Variants in FBXO40 observed in about 807,000 individuals in gnomAD.
FBXO40 encodes F-box only protein 40.
FBXO40 carries 50 observed loss-of-function variants against 49.9 expected under a neutral mutation model. The observed-to-expected ratio is 1.00, with a 90% CI of 0.80 to 1.27. The LOEUF is 1.27. FBXO40 is among the 50% of genes most tolerant of loss of function. The pLI is 0.00. For missense variants in FBXO40, 895 were observed against 870.1 expected (o/e 1.03, Z -0.36); for synonymous variants, 340 against 320.2 (o/e 1.06, Z -0.66).
At position 121,602,857 on chromosome 3, in the gene FBXO40, A is replaced by G. The variant is rs146469029; in HGVS notation, c.-31+9355A>G. Among the ~76,000 whole-genome samples, 6 of 152,284 alleles carry G rather than the reference A, an allele frequency of 3.9e-5. No homozygotes were observed. The East Asian group carries it at 1.2e-3, about 29-fold the overall frequency. Reference sequence around the variant, plus strand: ...TTACACTGCATGTTAAGAGATCAGTAGCTGGGCTCTTGGACCCAAAGATGT... The same window carrying G: ...TTACACTGCATGTTAAGAGATCAGTGGCTGGGCTCTTGGACCCAAAGATGT... On this transcript the variant is annotated intron_variant, in intron 1 of 3. Coordinates refer to ENST00000338040, the MANE Select transcript of FBXO40 (RefSeq NM_016298.4).
intron 3 of FBXO40, among the ~76,000 whole-genome samples, chr3:121,625,572 C>T (rs1226765527): frequency 6.6e-6 from 1 of 152,192 alleles, no homozygotes; most frequent in Non-Finnish European, 1.5e-5. Context: ...TGAAGACTAA[C>T]ACACTGCCTT....
Position 121,626,678 on chromosome 3 carries a change from T to A in FBXO40, c.1915-17T>A, listed in dbSNP as rs764458897. 7.4e-6 allele frequency: 12 copies of A among 1,613,000 alleles called. No individual in the cohort carries two copies. The highest frequency in any genetic ancestry group is 1.0e-5 in the Non-Finnish European group (12 of 1,179,142). Reference sequence around the variant, plus strand: ...ACACCCCTATATTCACCTTTGAACTTCTATCTTTCTCAACAGATCTGGCAG... The same window carrying A: ...ACACCCCTATATTCACCTTTGAACTACTATCTTTCTCAACAGATCTGGCAG... On this transcript the variant is annotated splice_polypyrimidine_tract_variant and intron_variant, in intron 3 of 3. Coordinates refer to ENST00000338040, the MANE Select transcript of FBXO40 (RefSeq NM_016298.4).
intron 1 of FBXO40, among the ~76,000 whole-genome samples, chr3:121,604,926 TTGGC>T (rs1392294578): frequency 2.4e-4 from 35 of 148,158 alleles, no homozygotes; most frequent in South Asian, 1.1e-3. Context: ...GTGGAGAAGG[TTGGC>T]TGGCTTTATT....
chr3:121,620,684 A>G (rs1050403014), intron 2 of FBXO40, 106 bp downstream of exon 2: 4 of 1,409,526 alleles, frequency 2.8e-6, no homozygotes, highest in Admixed American at 1.9e-5. Context: ...TGGTTTGATG[A>G]TATTTATCAA....
At position 121,599,720 on chromosome 3, in the gene FBXO40, ATATAT is replaced by A. The variant is rs1259235819; in HGVS notation, c.-31+6220_-31+6224del. Among the ~76,000 whole-genome samples, 206 of 81,816 alleles carry A rather than the reference ATATAT, an allele frequency of 2.5e-3. 1 individual carries two copies. The highest frequency in any genetic ancestry group is 7.4e-3 in the African/African-American group (195 of 26,244). The allele number at this position is 81,816 out of a possible 152,430, so 53.7% of individuals were successfully genotyped here. A position where few individuals can be genotyped will look rare whatever the true frequency, so the allele number is the denominator to read the frequency against. ...CACACACACACATATATATATATATATATATTTTTTTTTTTTTTTGGAGACGGAGT... is the reference window on the plus strand; with the variant it reads ...CACACACACACATATATATATATATATTTTTTTTTTTTTTGGAGACGGAGT... On this transcript the variant is annotated intron_variant, in intron 1 of 3. Transcript: ENST00000338040.
At chr3:121,598,937 T>G (rs963063961) in intron 1 of FBXO40, among the ~76,000 whole-genome samples, 20 of 152,188 alleles carry the variant, frequency 1.3e-4, no homozygotes, top group African/African-American at 4.3e-4. Context: ...TGCCTCAGGC[T>G]CACACACCTG....
intron 1 of FBXO40, among the ~76,000 whole-genome samples, chr3:121,599,361 A>G (rs34480552): frequency 0.16 from 24,494 of 151,402 alleles, 2,471 homozygotes; most frequent in Admixed American, 0.33. Context: ...CCAGCTACTC[A>G]GGAGGCTGAG....
intron 1 of FBXO40, among the ~76,000 whole-genome samples, chr3:121,606,964 T>A (rs2108846313): frequency 6.6e-6 from 1 of 152,258 alleles, no homozygotes; most frequent in East Asian, 1.9e-4. Context: ...AATTATTTCT[T>A]TTAATAAACT....
intron 1 of FBXO40, among the ~76,000 whole-genome samples, chr3:121,601,416 A>C (rs918774833): frequency 1.3e-5 from 2 of 152,226 alleles, no homozygotes; most frequent in Non-Finnish European, 2.9e-5. Context: ...CATGAAAAAA[A>C]AAAAGCGTCT....
At chr3:121,605,798 G>A (rs138507782) in intron 1 of FBXO40, among the ~76,000 whole-genome samples, 32 of 152,300 alleles carry the variant, frequency 2.1e-4, no homozygotes, top group African/African-American at 7.0e-4. Context: ...CTGTGCTTTT[G>A]TCCATTGTTT....
chr3:121,626,535 A>G (rs576898856), intron 3 of FBXO40, among the ~76,000 whole-genome samples, 160 bp from the exon 4 acceptor site: 2 of 152,238 alleles, frequency 1.3e-5, no homozygotes, highest in Admixed American at 1.3e-4. Context: ...TAGGAATTGG[A>G]TGCTGGAGGA....
chr3:121,618,825 T>C (rs2108850121), intron 1 of FBXO40, among the ~76,000 whole-genome samples: 1 of 151,876 alleles, frequency 6.6e-6, no homozygotes, highest in African/African-American at 2.4e-5. Flanking sequence ...GACACAAAAA[T>C]GGTAAAATGT....
At chr3:121,606,755 T>G (rs1169664867) in intron 1 of FBXO40, among the ~76,000 whole-genome samples, 1 of 152,220 alleles carries the variant, frequency 6.6e-6, no homozygotes, top group Non-Finnish European at 1.5e-5. Context: ...TAGCCAGGTC[T>G]CTGATGTTTC....
chr3:121,603,694 T>C (rs1306919676), intron 1 of FBXO40, among the ~76,000 whole-genome samples: 3 of 152,078 alleles, frequency 2.0e-5, no homozygotes, highest in Non-Finnish European at 4.4e-5. Context: ...ACTCTGGTCA[T>C]AGTTCTTTTT....
At position 121,622,388 on chromosome 3, in the gene FBXO40, A is replaced by G. The variant is rs776693271; in HGVS notation, c.959A>G (p.His320Arg). The change falls in exon 3 of 4, where the codon CAC becomes CGC. Residue 320 changes from histidine to arginine, a missense_variant. His to Arg is a conservative substitution (Grantham distance 29). Coordinates refer to ENST00000338040, the MANE Select transcript of FBXO40 (RefSeq NM_016298.4). ...YLVHNGRMLI[H>R]FGQMPACTPK... The stretch of plus-strand genomic sequence containing the variant: ...GTGCACAATGGGCGGATGCTGATAC[A>G]CTTTGGTCAGATGCCTGCTTGTACA... The G allele has an allele frequency of 3.6e-5, 58 of 1,614,086 alleles. No individual in the cohort carries two copies. Among genetic ancestry groups the G allele is most frequent in the Non-Finnish European group, 4.9e-5 (58 of 1,180,040 alleles).
In FBXO40 at chr3:121,622,751, G is replaced by T; in HGVS notation, c.1322G>T (p.Gly441Val). The T allele has an allele frequency of 6.2e-7, 1 of 1,614,116 alleles. No homozygotes were observed. Among genetic ancestry groups the T allele is most frequent in the Non-Finnish European group, 8.5e-7 (1 of 1,180,026 alleles). The change falls in exon 3 of 4, where the codon GGG (glycine) becomes GTG (valine). Residue 441 changes from glycine (G) to valine (V), a missense_variant. Gly to Val is a moderately radical substitution (Grantham distance 109). Transcript: ENST00000338040. ...TTTGAGCCAGAACAGTTTTCCTCTG[G>T]GACAGTGCTGGCTGACCTAACCGCT... ...YNFEPEQFSSGTVLADLTAAT... is the reference protein window; with the variant it reads ...YNFEPEQFSSVTVLADLTAAT...
chr3:121,597,469 C>T (rs1394016979), intron 1 of FBXO40, among the ~76,000 whole-genome samples: 1 of 151,802 alleles, frequency 6.6e-6, no homozygotes, highest in East Asian at 1.9e-4. Flanking sequence ...ATATAAGATA[C>T]ATTGGAGTGA....
intron 1 of FBXO40, among the ~76,000 whole-genome samples, chr3:121,602,448 C>A (rs1448688778): frequency 6.6e-6 from 1 of 152,220 alleles, no homozygotes; most frequent in Non-Finnish European, 1.5e-5. Context: ...TTATAGCCAA[C>A]ATTCTTTCTT....
At chr3:121,603,498 G>A (rs1396369564) in intron 1 of FBXO40, among the ~76,000 whole-genome samples, 2 of 152,164 alleles carry the variant, frequency 1.3e-5, no homozygotes, top group African/African-American at 4.8e-5. Context: ...TTATCTTTAA[G>A]CAAAGAGGGC....
Sources: allele counts gnomAD v4.1 joint callset (sites outside exome capture counted in the v4.1 genomes callset), GRCh38; gene constraint gnomAD v4.1.1; transcripts MANE v1.5; gene names NCBI Gene and HGNC (gene_info 2026-07-23, HGNC 2026-07-21).